Variants in RBFOX1 observed in about 807,000 individuals in gnomAD.
RBFOX1 encodes the protein RNA binding protein fox-1 homolog 1.
A neutral mutation model predicts 57.7 loss-of-function variants in RBFOX1; 8 were observed. The ratio of observed to expected loss-of-function variants is 0.14; its 90% CI spans 0.08 to 0.25. The LOEUF is 0.25. Ranked by LOEUF, RBFOX1 falls within the 10% of genes least tolerant of loss-of-function variation. RBFOX1 has a pLI of 1.00. For synonymous variants in RBFOX1, 326 were observed against 222.4 expected (o/e 1.47, Z -4.15); for missense variants, 611 against 548.5 (o/e 1.11, Z -1.14).
chr16:6,527,234 G>A (rs191825926), intron 2 of RBFOX1, among the ~76,000 whole-genome samples: 97 of 152,192 alleles, frequency 6.4e-4, no homozygotes, highest in African/African-American at 2.2e-3. Flanking sequence ...CTTTCCAGAA[G>A]TAAAGACGCG....
chr16:6,719,130 G>T (rs370191351), intron 3 of RBFOX1, among the ~76,000 whole-genome samples: 6 of 152,152 alleles, frequency 3.9e-5, no homozygotes, highest in African/African-American at 1.4e-4. Context: ...ATCTCCCAAA[G>T]TGGTGGGATT....
intron 4 of RBFOX1, among the ~76,000 whole-genome samples, chr16:7,152,691 G>C (rs2076324855): frequency 6.6e-6 from 1 of 152,134 alleles, no homozygotes; most frequent in Non-Finnish European, 1.5e-5. Context: ...TGGAAATGCA[G>C]CATGGGCAAA....
intron 3 of RBFOX1, among the ~76,000 whole-genome samples, chr16:6,886,192 G>A (rs1311505702): frequency 6.6e-6 from 1 of 151,816 alleles, no homozygotes; most frequent in Non-Finnish European, 1.5e-5. Context: ...CTCCTGAGTA[G>A]CTGGGATTAC....
At chr16:6,828,108 G>C (rs1053326248) in intron 3 of RBFOX1, among the ~76,000 whole-genome samples, 3 of 152,192 alleles carry the variant, frequency 2.0e-5, no homozygotes, top group Admixed American at 6.5e-5. Context: ...AGAAGGTACA[G>C]GTGGCATGGG....
chr16:7,299,337 C>T (rs552230175), intron 4 of RBFOX1, among the ~76,000 whole-genome samples: 3 of 152,250 alleles, frequency 2.0e-5, no homozygotes, highest in South Asian at 2.1e-4. Flanking sequence ...GTAGTGGGAG[C>T]GAGTTGTGAA....
chr16:7,670,973 C>T (rs891250931), intron 13 of RBFOX1, among the ~76,000 whole-genome samples: 6 of 152,282 alleles, frequency 3.9e-5, no homozygotes, highest in African/African-American at 1.2e-4. Context: ...TTTACACACA[C>T]GCACACACAC....
At chr16:6,880,111 C>A (rs1052704953) in intron 3 of RBFOX1, among the ~76,000 whole-genome samples, 1 of 152,124 alleles carries the variant, frequency 6.6e-6, no homozygotes, top group African/African-American at 2.4e-5. Flanking sequence ...CCTGACCTTT[C>A]GAGTTACTTC....
At chr16:6,085,644 G>A (rs1409061329) in intron 1 of RBFOX1, among the ~76,000 whole-genome samples, 1 of 140,130 alleles carries the variant, frequency 7.1e-6, no homozygotes, top group Non-Finnish European at 1.6e-5. Context: ...AAGTAGCAGT[G>A]TGTGTTTGTG....
chr16:7,504,723 A>T (rs1389599755), intron 4 of RBFOX1, among the ~76,000 whole-genome samples: 2 of 6,100 alleles, frequency 3.3e-4, no homozygotes, highest in South Asian at 5.5e-3. Context: ...ATATATATAT[A>T]TATATATATA....
chr16:5,515,949 G>T (rs73512297), intron 2 of RBFOX1, among the ~76,000 whole-genome samples: 3,789 of 152,212 alleles, frequency 0.025, 164 homozygotes, highest in African/African-American at 0.087. Flanking sequence ...AGAAACGGAG[G>T]CCCAGAATAG....
intron 3 of RBFOX1, among the ~76,000 whole-genome samples, chr16:6,984,051 C>T (rs1798410945): frequency 6.6e-6 from 1 of 152,090 alleles, no homozygotes; most frequent in Non-Finnish European, 1.5e-5. Context: ...AGTTCAAGAC[C>T]TGTCTGATCA....
intron 3 of RBFOX1, among the ~76,000 whole-genome samples, chr16:7,021,080 G>C (rs1472507165): frequency 1.3e-5 from 2 of 152,088 alleles, no homozygotes; most frequent in Admixed American, 6.6e-5. Flanking sequence ...GTGAGCCCAG[G>C]TCGTGCTACT....
At chr16:6,247,122 A>G (rs186419792) in intron 1 of RBFOX1, among the ~76,000 whole-genome samples, 140 of 152,288 alleles carry the variant, frequency 9.2e-4, no homozygotes, top group African/African-American at 3.3e-3. Context: ...GTCACTTTCA[A>G]TCATATCAAG....
At chr16:6,764,394 G>C (rs2077042331) in intron 3 of RBFOX1, among the ~76,000 whole-genome samples, 1 of 152,154 alleles carries the variant, frequency 6.6e-6, no homozygotes, top group Admixed American at 6.5e-5. Flanking sequence ...GCAGTGTCTG[G>C]TAGCCCATTC....
chr16:6,689,639 A>G (rs141198171), intron 3 of RBFOX1, among the ~76,000 whole-genome samples: 2 of 152,278 alleles, frequency 1.3e-5, no homozygotes, highest in East Asian at 3.9e-4. Flanking sequence ...TCCTGAATGT[A>G]GACATATTCC....
At chr16:7,472,174 T>C (rs969566664) in intron 4 of RBFOX1, among the ~76,000 whole-genome samples, 3 of 152,224 alleles carry the variant, frequency 2.0e-5, no homozygotes, top group Non-Finnish European at 4.4e-5. Flanking sequence ...GGGAGAAGCA[T>C]AGCTTCTCTT....
chr16:6,992,302 C>G (rs972218814), intron 3 of RBFOX1, among the ~76,000 whole-genome samples: 50 of 152,072 alleles, frequency 3.3e-4, no homozygotes, highest in African/African-American at 1.2e-3. Flanking sequence ...ATTGCAGCCT[C>G]TGCCTCCCAG....
rs35407844 is a variant in RBFOX1, at chr16:6,539,806, G to GACACACAC, written c.-63-114773_-63-114766dup. ...GACTGAGGCTGCATCTCAAAACACA[G>GACACACAC]ACACACACACACACACACACACACA... On this transcript the variant is annotated intron_variant, in intron 2 of 15. Transcript: ENST00000550418. Among the ~76,000 whole-genome samples, 812 of 136,304 alleles carry GACACACAC rather than the reference G, an allele frequency of 6.0e-3. 25 individuals are homozygous for GACACACAC. Among genetic ancestry groups the GACACACAC allele is most frequent in the Non-Finnish European group, 5.7e-3 (355 of 62,480 alleles). The allele number at this position is 136,304 out of a possible 152,430, so 89.4% of individuals were successfully genotyped here.
At chr16:5,965,357 A>G (rs1331952479) in intron 4 of RBFOX1, among the ~76,000 whole-genome samples, 1 of 152,236 alleles carries the variant, frequency 6.6e-6, no homozygotes, top group African/African-American at 2.4e-5. Context: ...TAGCTTCATT[A>G]TGGTAATCAC....
Sources: allele counts gnomAD v4.1 joint callset (sites outside exome capture counted in the v4.1 genomes callset), GRCh38; gene constraint gnomAD v4.1.1; transcripts MANE v1.5; gene names NCBI Gene and HGNC (gene_info 2026-07-23, HGNC 2026-07-21).